The following FBLN1 variants were observed in gnomAD, a reference collection of about 807,000 sequenced individuals.
FBLN1 encodes the protein fibulin 1.
Under a neutral mutation model 89.7 loss-of-function variants are expected in FBLN1, and 34 were observed. The ratio of observed to expected loss-of-function variants is 0.38; its 90% CI spans 0.29 to 0.50. The LOEUF (loss-of-function observed/expected upper bound fraction) is 0.50. FBLN1 is among the 20% of genes least tolerant of loss of function. The pLI, the probability that FBLN1 is intolerant of heterozygous loss-of-function variation, is 0.92. For missense variants in FBLN1, 777 were observed against 988.1 expected (o/e 0.79, Z 2.86); for synonymous variants, 393 against 391.3 (o/e 1.00, Z -0.05).
At position 45,580,237 on chromosome 22, in the gene FBLN1, C is replaced by T. The variant is rs2089031325; in HGVS notation, c.1972+3129C>T. ...ATGGTGGTGGAGAGGAAGAAAGCGGCTTCCAGGGCTGCTGCTCCTGGTGGG... is the reference window on the plus strand; with the variant it reads ...ATGGTGGTGGAGAGGAAGAAAGCGGTTTCCAGGGCTGCTGCTCCTGGTGGG... On this transcript the variant is annotated intron_variant, in intron 16 of 16. Coordinates refer to ENST00000327858, the MANE Select transcript of FBLN1 (RefSeq NM_006486.3). The surrounding 1 kb of genome is among the most constrained non-coding windows in gnomAD (Gnocchi z 8.6). 1.3e-5 allele frequency among the ~76,000 whole-genome samples: 2 copies of T among 152,156 alleles called. No homozygotes were observed. Among genetic ancestry groups the T allele is most frequent in the Admixed American group, 6.5e-5 (1 of 15,276 alleles).
chr22:45,524,455 C>T (rs1199914489), intron 2 of FBLN1, among the ~76,000 whole-genome samples: 8 of 152,210 alleles, frequency 5.3e-5, no homozygotes, highest in Non-Finnish European at 1.0e-4. Flanking sequence ...CTCCCCAGAG[C>T]CCCGGCAGGG....
intron 16 of FBLN1, among the ~76,000 whole-genome samples, chr22:45,595,347 C>T (rs1324737449): frequency 6.6e-6 from 1 of 152,160 alleles, no homozygotes; most frequent in African/African-American, 2.4e-5. Flanking sequence ...CTGTGTGCAG[C>T]CGTACAGTCT....
At chr22:45,542,339 A>G in intron 10 of FBLN1, 56 bp downstream of exon 10, 1 of 1,609,556 alleles carries the variant, frequency 6.2e-7, no homozygotes, top group South Asian at 1.1e-5. Flanking sequence ...CACCAGGGAC[A>G]CATTTCTGTG....
chr22:45,558,194 G>A, intron 14 of FBLN1: 1 of 688,850 alleles, frequency 1.5e-6, no homozygotes. Context: ...GTGCCTTCAG[G>A]ACCTGCTCAA....
In FBLN1 at chr22:45,577,057, C is replaced by T. The variant is rs979027666; in HGVS notation, c.1921C>T (p.Leu641=). The stretch of plus-strand genomic sequence containing the variant: ...CATCTTCGACATCACGGAAGGGAAC[C>T]TGCGGGACTCTTTTGACATCATCAA... ...NIIFDITEGN[L]RDSFDIIKRY... is the part of the protein sequence containing the mutation. The change falls in exon 16 of 17, where the codon CTG becomes TTG. Residue 641 remains leucine, a synonymous_variant. Transcript: ENST00000327858. This position sits in a 1 kb window ranked among gnomAD's most constrained non-coding sequence, Gnocchi z 6.6. 2 of 1,614,062 alleles carry T rather than the reference C, an allele frequency of 1.2e-6. No homozygotes were observed. The highest frequency in any genetic ancestry group is 2.2e-5 in the East Asian group (1 of 44,888).
At chr22:45,506,922 A>G (rs549075021) in intron 1 of FBLN1, among the ~76,000 whole-genome samples, 3 of 152,360 alleles carry the variant, frequency 2.0e-5, no homozygotes, top group South Asian at 2.1e-4. Flanking sequence ...TTATACAACA[A>G]GATTTTCCTT....
chr22:45,505,035 C>A (rs1378525526), intron 1 of FBLN1, among the ~76,000 whole-genome samples: 1 of 152,222 alleles, frequency 6.6e-6, no homozygotes. Context: ...TGTGGGGCCG[C>A]AGATGGTGAG....
In FBLN1 at chr22:45,519,110, G is replaced by T. The variant is rs192688383; in HGVS notation, c.185+323G>T. On this transcript the variant is annotated intron_variant, in intron 2 of 16. Transcript: ENST00000327858. Reference sequence around the variant, plus strand: ...TTAAAAAAGGGGGGACAGTTGTGGGGGAGCAAAGGAGATGATGTGACTAAA... The same window carrying T: ...TTAAAAAAGGGGGGACAGTTGTGGGTGAGCAAAGGAGATGATGTGACTAAA... Among the ~76,000 whole-genome samples, 31 of 151,386 alleles carry T rather than the reference G, an allele frequency of 2.0e-4. No homozygotes were observed. In the East Asian group the frequency reaches 5.6e-3, roughly 28 times the overall value.
chr22:45,563,386 T>A lies in FBLN1; in HGVS notation c.1698-11125T>A. On this transcript the variant is annotated intron_variant, in intron 14 of 16. Transcript: ENST00000327858. This position sits in a 1 kb window ranked among gnomAD's most constrained non-coding sequence, Gnocchi z 5.7. ...GAGCCTCGCGTGCCTTGGTTTTATT[T>A]GGCATGGTTGGGAGTCTGTGCCGCT... The A allele has an allele frequency of 6.5e-7, 1 of 1,539,258 alleles. No individual in the cohort carries two copies.
intron 3 of FBLN1, among the ~76,000 whole-genome samples, chr22:45,527,398 A>G (rs915737770): frequency 1.3e-5 from 2 of 152,292 alleles, no homozygotes; most frequent in East Asian, 3.9e-4. Flanking sequence ...CTCTAACTCA[A>G]AAACGGAGAG....
chr22:45,583,031 G>T lies in FBLN1; in HGVS notation c.1972+5923G>T, dbSNP rs2147034417. Among the ~76,000 whole-genome samples, 1 of 152,260 alleles carries T rather than the reference G, an allele frequency of 6.6e-6. No individual in the cohort carries two copies. ...CTCCCTGTACGTCCACCCACCCTGT[G>T]CCCAGATCCCCTTCGCAAGCACCAT... On this transcript the variant is annotated intron_variant, in intron 16 of 16. Transcript: ENST00000327858. This position sits in a 1 kb window ranked among gnomAD's most constrained non-coding sequence, Gnocchi z 4.5.
intron 1 of FBLN1, among the ~76,000 whole-genome samples, chr22:45,515,750 A>G (rs1198195968): frequency 6.6e-6 from 1 of 152,180 alleles, no homozygotes; most frequent in East Asian, 1.9e-4. Context: ...GGAACTTTAT[A>G]AAGTGCATCC....
intron 16 of FBLN1, among the ~76,000 whole-genome samples, chr22:45,584,360 C>T (rs1362833767): frequency 1.3e-5 from 2 of 152,166 alleles, no homozygotes; most frequent in East Asian, 1.9e-4. Context: ...GTTTTGAAAT[C>T]GCATTTTAAA....
chr22:45,541,433 G>C, intron 9 of FBLN1, 61 bp downstream of exon 9: 12 of 1,602,112 alleles, frequency 7.5e-6, no homozygotes, highest in Non-Finnish European at 9.4e-6. Context: ...CATGCACCCT[G>C]CCTTCTCTGG....
At chr22:45,554,314 C>T (rs2088748749) in intron 14 of FBLN1, among the ~76,000 whole-genome samples, 1 of 152,202 alleles carries the variant, frequency 6.6e-6, no homozygotes, top group Non-Finnish European at 1.5e-5. Context: ...TCCTCAGAGG[C>T]CCCCCTGGGG....
intron 1 of FBLN1, among the ~76,000 whole-genome samples, chr22:45,518,158 T>A (rs555348828): frequency 3.4e-3 from 506 of 148,710 alleles, no homozygotes; most frequent in Non-Finnish European, 4.4e-3. Context: ...AAAAAGAAAA[T>A]TTTTTTTTCC....
At chr22:45,519,906 A>C (rs2146952421) in intron 2 of FBLN1, among the ~76,000 whole-genome samples, 1 of 152,130 alleles carries the variant, frequency 6.6e-6, no homozygotes, top group East Asian at 1.9e-4. Context: ...GCGGTGGCTC[A>C]CCCCTGTAAT....
At position 45,549,017 on chromosome 22, in the gene FBLN1, C is replaced by T. The variant is rs963168434; in HGVS notation, c.1573+273C>T. Among the ~76,000 whole-genome samples the T allele has an allele frequency of 6.6e-6, 1 of 152,210 alleles. No homozygotes were observed. Among genetic ancestry groups the T allele is most frequent in the Non-Finnish European group, 1.5e-5 (1 of 68,030 alleles). On this transcript the variant is annotated intron_variant, in intron 13 of 16. Coordinates refer to ENST00000327858, the MANE Select transcript of FBLN1 (RefSeq NM_006486.3). This position sits in a 1 kb window ranked among gnomAD's most constrained non-coding sequence, Gnocchi z 5.7. ...CGGCAGGAACACTTCAGCCCTCCTC[C>T]CCTCCCCTCAGCAGCCCCGTAAAGG...
At chr22:45,582,292 A>G (rs1420291222) in intron 16 of FBLN1, among the ~76,000 whole-genome samples, 1 of 152,200 alleles carries the variant, frequency 6.6e-6, no homozygotes, top group African/African-American at 2.4e-5. Flanking sequence ...CGTAGAGGAT[A>G]AATAGTGAAG....
Sources: allele counts gnomAD v4.1 joint callset (sites outside exome capture counted in the v4.1 genomes callset), GRCh38; gene constraint gnomAD v4.1.1; non-coding constraint Gnocchi (gnomAD v3.1); transcripts MANE v1.5; gene names NCBI Gene and HGNC (gene_info 2026-07-23, HGNC 2026-07-21).